ASB15: variants seen among roughly 807,000 people sequenced by gnomAD.
ASB15 encodes the protein ankyrin repeat and SOCS box protein 15.
In ASB15, 54 loss-of-function variants were observed where a neutral mutation model predicts 58.0. The observed-to-expected ratio is 0.93, with a 90% confidence interval of 0.75 to 1.17. ASB15 has a LOEUF of 1.17. ASB15 is among the 50% of genes most tolerant of loss of function. ASB15 has a pLI of 0.00. For missense variants in ASB15, 680 were observed against 707.4 expected, an observed-to-expected ratio of 0.96 and a Z score of 0.44; for synonymous variants, 249 against 262.4, an observed-to-expected ratio of 0.95 and a Z score of 0.50.
chr7:123,582,577 A>T (rs1177972482), intron 1 of ASB15, among the ~76,000 whole-genome samples: 9 of 151,926 alleles, frequency 5.9e-5, no homozygotes, highest in Non-Finnish European at 1.0e-4. Context: ...AATGATCAGC[A>T]TTCCCCCCAG....
rs1221883391 is a variant in ASB15 at position 123,605,225 on chromosome 7, A to G, written c.-64+1013A>G. Among the ~76,000 whole-genome samples, 4 of 152,340 alleles carry G rather than the reference A, an allele frequency of 2.6e-5. No individual in the cohort carries two copies. In the East Asian group the frequency reaches 5.8e-4, roughly 22 times the overall value. ...AATATTTATGTGTATATGCATAAGA[A>G]TAATACTTTTTAAAATGCTCAACAT... On this transcript the variant is annotated intron_variant, in intron 2 of 11. Transcript: ENST00000451215.
intron 11 of ASB15, 21 bp downstream of exon 11, chr7:123,630,140 C>T: frequency 6.5e-7 from 1 of 1,534,250 alleles, no homozygotes; most frequent in Non-Finnish European, 8.8e-7. Flanking sequence ...AAAGTTTTGC[C>T]TACAATTTTT....
At chr7:123,600,881 G>A (rs1038212368), upstream of ASB15, among the ~76,000 whole-genome samples, 2 of 152,186 alleles carry the variant, frequency 1.3e-5, no homozygotes, top group Non-Finnish European at 2.9e-5. Context: ...ACAAAAGCGT[G>A]TAGTGCTCCC....
intron 3 of ASB15, among the ~76,000 whole-genome samples, chr7:123,611,082 C>CAAAAAAAAAAAAAA (rs34527165): frequency 1.2e-5 from 1 of 81,856 alleles, no homozygotes; most frequent in Non-Finnish European, 2.3e-5. Flanking sequence ...AACTCCATCT[C>CAAAAAAAAAAAAAA]AAAAAAAAAA....
chr7:123,627,072 C>T, intron 8 of ASB15, 38 bp from the exon 9 acceptor site: 1 of 1,580,996 alleles, frequency 6.3e-7, no homozygotes, highest in East Asian at 2.2e-5. Context: ...TTAAACAATA[C>T]CATCCAGTTA....
intron 7 of ASB15, among the ~76,000 whole-genome samples, chr7:123,620,530 ATATATATATATATATATATATATATTTTT>A (rs1562933257): frequency 8.3e-3 from 133 of 16,106 alleles, no homozygotes; most frequent in Middle Eastern, 0.031. Flanking sequence ...ATATATATAT[ATATATATATATATATATATATATATTTTT>A]TTTTTTTTTT....
intron 1 of ASB15, among the ~76,000 whole-genome samples, chr7:123,588,541 C>T (rs1222988422): frequency 1.3e-5 from 2 of 150,338 alleles, no homozygotes; most frequent in African/African-American, 4.9e-5. Flanking sequence ...TTCTTTCCTT[C>T]TTTTTCTTTC....
At position 123,619,179 on chromosome 7, in the gene ASB15, C is replaced by CAAA. The variant is rs528943780; in HGVS notation, c.451+1464_451+1466dup. 6.3e-3 allele frequency among the ~76,000 whole-genome samples: 342 copies of CAAA among 54,584 alleles called. 3 individuals carry two copies. The highest frequency in any genetic ancestry group is 0.016 in the Middle Eastern group (1 of 64). 35.8% of individuals were successfully genotyped at this position (54,584 alleles called of 152,430 possible). A position where few individuals can be genotyped will look rare whatever the true frequency, so the allele number is the denominator to read the frequency against. On this transcript the variant is annotated intron_variant, in intron 7 of 11. Transcript: ENST00000451215. ...TGGACGACAGAGAGAGACGCCGTCT[C>CAAA]AAAAAAAAAAAAAAAAAAAAAAAAG...
At position 123,614,522 on chromosome 7, in the gene ASB15, C is replaced by T. The variant is rs1800676411; in HGVS notation, c.20C>T (p.Pro7Leu). 1.2e-6 allele frequency: 2 copies of T among 1,605,706 alleles called. No individual in the cohort carries two copies. The highest frequency in any genetic ancestry group is 1.3e-5 in the African/African-American group (1 of 74,830). The change falls in exon 4 of 12, where the codon CCT becomes CTT. Residue 7 changes from proline to leucine, a missense_variant. By Grantham distance (98) the Pro-to-Leu change is moderately conservative (BLOSUM62 -3). Coordinates refer to ENST00000451215, the MANE Select transcript of ASB15 (RefSeq NM_001290258.2). MDTNDD[P>L]DEDHLTSYDI... ...GCAGGAATGGATACTAATGATGACC[C>T]TGATGAAGACCATCTTACAAGTTAT... is the stretch of plus-strand genomic sequence containing the variant.
chr7:123,567,270 G>C (rs1798787194), intron 1 of ASB15, among the ~76,000 whole-genome samples: 1 of 152,130 alleles, frequency 6.6e-6, no homozygotes, highest in Non-Finnish European at 1.5e-5. Context: ...GGGGATCAAA[G>C]GCCCTGTGTT....
chr7:123,593,107 T>A (rs991849913), intron 1 of ASB15, among the ~76,000 whole-genome samples: 2 of 152,152 alleles, frequency 1.3e-5, no homozygotes, highest in Non-Finnish European at 2.9e-5. Context: ...GCTTTTTTTT[T>A]ACTTTCCATT....
intron 4 of ASB15, 121 bp from the exon 5 acceptor site, chr7:123,616,100 A>C (rs1800794789): frequency 5.0e-6 from 4 of 804,012 alleles, no homozygotes; most frequent in Non-Finnish European, 5.9e-6. Context: ...AATTATATGC[A>C]TCTCCTTTGG....
chr7:123,600,268 C>T (rs1584752188), upstream of ASB15, among the ~76,000 whole-genome samples: 1 of 152,082 alleles, frequency 6.6e-6, no homozygotes, highest in Non-Finnish European at 1.5e-5. Flanking sequence ...TTTATTTTAC[C>T]ACATGATCTT....
chr7:123,634,717 C>A lies in ASB15; in HGVS notation c.1595-2092C>A, dbSNP rs192427128. ...TAAAGAGTAGATAAGTAAAAGCATT[C>A]CTTTATAAAAGTATTCTAAATAATT... On this transcript the variant is annotated intron_variant, in intron 11 of 11. Coordinates refer to ENST00000451215, the MANE Select transcript of ASB15 (RefSeq NM_001290258.2). Among the ~76,000 whole-genome samples, 6 of 152,236 alleles carry A rather than the reference C, an allele frequency of 3.9e-5. No individual in the cohort carries two copies. The East Asian group carries it at 1.2e-3, about 29-fold the overall frequency.
chr7:123,630,209 C>A, intron 11 of ASB15, 90 bp downstream of exon 11: 2 of 958,006 alleles, frequency 2.1e-6, no homozygotes, highest in Non-Finnish European at 3.0e-6. Context: ...TTTTCCTATG[C>A]TACTCTACTG....
chr7:123,619,198 A>G, intron 7 of ASB15, among the ~76,000 whole-genome samples: 1 of 151,056 alleles, frequency 6.6e-6, no homozygotes, highest in Non-Finnish European at 1.5e-5. Flanking sequence ...AAAAAAAAAA[A>G]AAAAAGAAGT....
intron 3 of ASB15, among the ~76,000 whole-genome samples, chr7:123,610,905 G>A (rs1487335074): frequency 1.3e-5 from 2 of 151,658 alleles, no homozygotes; most frequent in African/African-American, 4.8e-5. Flanking sequence ...CACATTGCGG[G>A]GGCCCATCTC....
chr7:123,605,354 C>T (rs943234878), intron 2 of ASB15, among the ~76,000 whole-genome samples: 6 of 151,994 alleles, frequency 3.9e-5, no homozygotes, highest in East Asian at 1.9e-4. Flanking sequence ...CAGATGCTGG[C>T]GAGGTTATGG....
At position 123,583,932 on chromosome 7, in the gene ASB15, T is replaced by A. The variant is rs115578685; in HGVS notation, c.-443+16844T>A. On this transcript the variant is annotated intron_variant, in intron 1 of 13. Coordinates refer to the ASB15 transcript ENST00000451558. Reference sequence around the variant, plus strand: ...TACTTGACTTAGCAGCAGAATTTGATACAGTCGATCACTCCTTTCGGCTGT... The same window carrying A: ...TACTTGACTTAGCAGCAGAATTTGAAACAGTCGATCACTCCTTTCGGCTGT... Among the ~76,000 whole-genome samples, 931 of 152,090 alleles carry A rather than the reference T, an allele frequency of 6.1e-3. 8 individuals are homozygous for A. The highest frequency in any genetic ancestry group is 0.021 in the African/African-American group (891 of 41,512).
Sources: gnomAD v4.1 joint callset for allele counts (sites outside exome capture counted in the v4.1 genomes callset) on GRCh38, gnomAD v4.1.1 for gene constraint, MANE v1.5 for transcripts, NCBI Gene and HGNC (gene_info 2026-07-23, HGNC 2026-07-21) for gene names.